ANO6: variants seen among roughly 807,000 people sequenced by gnomAD.
ANO6 encodes anoctamin-6.
A neutral mutation model predicts 117.5 loss-of-function variants in ANO6; 106 were observed. That is an observed-to-expected ratio of 0.90 (90% CI 0.77 to 1.06). The LOEUF is 1.06. ANO6 is among the 50% of genes least tolerant of loss of function. The probability of loss-of-function intolerance (pLI) is 0.00; values close to 1 mark genes in which losing one functional copy is unlikely to be tolerated. For synonymous variants in ANO6, 367 were observed against 385.1 expected, an observed-to-expected ratio of 0.95 and a Z score of 0.55; for missense variants, 955 against 1,121.1, an observed-to-expected ratio of 0.85 and a Z score of 2.12.
chr12:45,282,912 A>T (rs1360363036), intron 1 of ANO6, among the ~76,000 whole-genome samples: 1 of 152,128 alleles, frequency 6.6e-6, no homozygotes, highest in Admixed American at 6.6e-5. Flanking sequence ...TACATGTGCT[A>T]TTGCTCGCTC....
chr12:45,243,198 A>G (rs1947772248), intron 1 of ANO6, among the ~76,000 whole-genome samples: 1 of 152,196 alleles, frequency 6.6e-6, no homozygotes, highest in Non-Finnish European at 1.5e-5. Flanking sequence ...ATGCACCTGT[A>G]GTCTCAGCCA....
intron 2 of ANO6, among the ~76,000 whole-genome samples, chr12:45,306,905 CCTCA>C: frequency 6.6e-6 from 1 of 151,948 alleles, no homozygotes; most frequent in Admixed American, 6.6e-5. Flanking sequence ...AGTGAAAAAA[CCTCA>C]AGGTGCTGCT....
intron 17 of ANO6, among the ~76,000 whole-genome samples, chr12:45,418,729 T>C (rs902353968): frequency 3.3e-5 from 5 of 152,222 alleles, no homozygotes; most frequent in Non-Finnish European, 5.9e-5. Context: ...CCAAGGCGAC[T>C]CAGTGTGTGT....
intron 1 of ANO6, among the ~76,000 whole-genome samples, chr12:45,285,096 A>G (rs1190019468): frequency 1.3e-5 from 2 of 152,234 alleles, no homozygotes; most frequent in African/African-American, 4.8e-5. Context: ...TGGAGTAAAA[A>G]TACTTAAATT....
chr12:45,220,227 G>T (rs1027310240), intron 1 of ANO6, among the ~76,000 whole-genome samples: 1 of 152,122 alleles, frequency 6.6e-6, no homozygotes, highest in African/African-American at 2.4e-5. Flanking sequence ...ATGAGGTTTT[G>T]TTTGTGGATG....
rs549085570 is a variant in ANO6, at chr12:45,408,511, C to G, written c.1881-846C>G. ...AGAGACAGTGGGTAGCTCAGCGGGG[C>G]AGTATCCACGGGTGGACAGAGCGCT... is the stretch of plus-strand genomic sequence containing the variant. On this transcript the variant is annotated intron_variant, in intron 15 of 19. Coordinates refer to ENST00000320560, the MANE Select transcript of ANO6 (RefSeq NM_001025356.3). Among the ~76,000 whole-genome samples, 35 of 152,310 alleles carry G rather than the reference C, an allele frequency of 2.3e-4. No individual in the cohort carries two copies. The South Asian group carries it at 7.2e-3, about 32-fold the overall frequency.
At chr12:45,324,588 A>G (rs943707506) in intron 2 of ANO6, among the ~76,000 whole-genome samples, 18 of 152,180 alleles carry the variant, frequency 1.2e-4, no homozygotes, top group Non-Finnish European at 2.1e-4. Flanking sequence ...CTGAAAAGCT[A>G]AAAATAGCCC....
chr12:45,411,040 A>G (rs1251379809), intron 16 of ANO6, among the ~76,000 whole-genome samples: 1 of 152,228 alleles, frequency 6.6e-6, no homozygotes, highest in African/African-American at 2.4e-5. Context: ...GAAGGACTGT[A>G]AGACAATTAC....
intron 19 of ANO6, among the ~76,000 whole-genome samples, chr12:45,424,501 CTAA>C (rs1943450871): frequency 6.6e-6 from 1 of 151,846 alleles, no homozygotes; most frequent in Non-Finnish European, 1.5e-5. Context: ...CCACACCTGG[CTAA>C]TTTTATATTT....
chr12:45,334,203 A>T (rs1940758896), intron 3 of ANO6, among the ~76,000 whole-genome samples: 1 of 152,106 alleles, frequency 6.6e-6, no homozygotes, highest in Admixed American at 6.6e-5. Flanking sequence ...TGCTTCAGCA[A>T]CAAACGCTCG....
intron 15 of ANO6, among the ~76,000 whole-genome samples, chr12:45,404,744 TTTA>T (rs1339785229): frequency 6.6e-6 from 1 of 152,132 alleles, no homozygotes; most frequent in East Asian, 1.9e-4. Flanking sequence ...AACCTCTACC[TTTA>T]TAAAAAGTCT....
rs1479271017 is a variant in ANO6, at chr12:45,216,160, C to G, written c.-162C>G. ...GCTCTGGGCTCCGGTCGGTGGGTGC[C>G]TCGGCTCGGCTTTCCCCGGCGCTGG... On this transcript the variant is annotated 5_prime_UTR_variant, in exon 1 of 20. Coordinates refer to ENST00000320560, the MANE Select transcript of ANO6 (RefSeq NM_001025356.3). 7 of 776,482 alleles carry G rather than the reference C, an allele frequency of 9.0e-6. No individual in the cohort carries two copies. Among genetic ancestry groups the G allele is most frequent in the Non-Finnish European group, 1.2e-5 (6 of 482,824 alleles). 48.1% of individuals were successfully genotyped at this position (776,482 alleles called of 1,614,324 possible).
intron 1 of ANO6, among the ~76,000 whole-genome samples, chr12:45,299,633 A>T (rs962523737): frequency 2.0e-5 from 3 of 152,080 alleles, no homozygotes; most frequent in African/African-American, 7.2e-5. Flanking sequence ...CAGGCAGATC[A>T]TGAGGTCAGG....
chr12:45,271,951 T>A (rs1473373183), intron 1 of ANO6, among the ~76,000 whole-genome samples: 4 of 152,196 alleles, frequency 2.6e-5, no homozygotes, highest in Non-Finnish European at 5.9e-5. Context: ...CATGCATTAT[T>A]TTTAAGAGCC....
chr12:45,292,481 G>A (rs1013890044), intron 1 of ANO6, among the ~76,000 whole-genome samples: 5 of 152,124 alleles, frequency 3.3e-5, no homozygotes, highest in Non-Finnish European at 7.4e-5. Flanking sequence ...TATATATTAC[G>A]TTACTGCAAT....
At chr12:45,218,390 CTTT>C (rs76855973) in intron 1 of ANO6, among the ~76,000 whole-genome samples, 5,112 of 109,820 alleles carry the variant, frequency 0.047, 187 homozygotes, top group East Asian at 0.28. Flanking sequence ...CTTTCTTTCT[CTTT>C]TTTTTTTTTT....
At chr12:45,220,109 G>C (rs1043774910) in intron 1 of ANO6, among the ~76,000 whole-genome samples, 2 of 152,134 alleles carry the variant, frequency 1.3e-5, no homozygotes. Flanking sequence ...AGATTAGTAT[G>C]CTGCTTTATT....
intron 19 of ANO6, among the ~76,000 whole-genome samples, chr12:45,425,580 A>G (rs999918026): frequency 8.5e-5 from 13 of 152,244 alleles, no homozygotes; most frequent in Admixed American, 6.5e-4. Flanking sequence ...AGAGTAGTCT[A>G]TCTCCAGAAT....
chr12:45,439,822 C>G (rs1161540060), exon 20 of ANO6: 1 of 1,547,040 alleles, frequency 6.5e-7, no homozygotes, highest in South Asian at 1.2e-5. Context: ...TATTGACTCC[C>G]TCTATTATAT....
Sources: gnomAD v4.1 joint callset for allele counts (sites outside exome capture counted in the v4.1 genomes callset) on GRCh38, gnomAD v4.1.1 for gene constraint, MANE v1.5 for transcripts, NCBI Gene and HGNC (gene_info 2026-07-23, HGNC 2026-07-21) for gene names.